Variants in SCIN observed in about 807,000 individuals in gnomAD.
SCIN encodes the protein adseverin.
A neutral mutation model predicts 91.8 loss-of-function variants in SCIN; 91 were observed. The observed-to-expected ratio is 0.99, with a 90% CI of 0.84 to 1.18. The LOEUF is 1.18. Ranked by LOEUF, SCIN falls within the 50% of genes most tolerant of loss-of-function variation. The pLI, the probability that SCIN is intolerant of heterozygous loss-of-function variation, is 0.00. For missense variants in SCIN, 1,087 were observed against 863.9 expected (o/e 1.26, Z -3.24); for synonymous variants, 367 against 312.6 (o/e 1.17, Z -1.84).
chr7:12,588,806 GGTGGGGGGGGGGGGGT>G (rs1782646755), intron 3 of SCIN: 1 of 38,910 alleles, frequency 2.6e-5, no homozygotes, highest in Non-Finnish European at 6.2e-5. Flanking sequence ...AGCTGCATTG[GGTGGGGGGGGGGGGGT>G]GCGGGGGCGG....
intron 1 of SCIN, among the ~76,000 whole-genome samples, chr7:12,576,058 G>C (rs550704131): frequency 2.0e-5 from 3 of 152,248 alleles, no homozygotes; most frequent in African/African-American, 7.2e-5. Flanking sequence ...TACCTAAAGA[G>C]ATTCAGGTTT....
At chr7:12,605,010 A>G (rs12537710) in intron 4 of SCIN, among the ~76,000 whole-genome samples, 50 of 151,264 alleles carry the variant, frequency 3.3e-4, no homozygotes, top group Non-Finnish European at 6.6e-4. Context: ...TAGTTCTTTC[A>G]TCTATTCATC....
intron 14 of SCIN, among the ~76,000 whole-genome samples, chr7:12,650,183 A>G (rs1562637995): frequency 6.6e-6 from 1 of 152,192 alleles, no homozygotes; most frequent in South Asian, 2.1e-4. Context: ...TCAAGCACAG[A>G]GATTGTTCCT....
chr7:12,653,283 C>T lies in SCIN; in HGVS notation c.*568C>T, dbSNP rs771952415. The T allele has an allele frequency of 1.3e-5, 2 of 151,996 alleles. No individual in the cohort carries two copies. The highest frequency in any genetic ancestry group is 6.6e-5 in the Admixed American group (1 of 15,248). The allele number at this position is 151,996 out of a possible 1,614,324, so 9.4% of individuals were successfully genotyped here. On this transcript the variant is annotated 3_prime_UTR_variant, in exon 16 of 16. Coordinates refer to ENST00000297029, the MANE Select transcript of SCIN (RefSeq NM_001112706.3). The surrounding 1 kb of genome is among the most constrained non-coding windows in gnomAD (Gnocchi z 4.1). ...AACTGATTTATATCTTTTTTATGAC[C>T]TTTCAAAAGTAAAATACTATGCATA...
At chr7:12,599,748 G>T (rs974907020) in intron 3 of SCIN, among the ~76,000 whole-genome samples, 11 of 151,780 alleles carry the variant, frequency 7.2e-5, no homozygotes, top group Admixed American at 2.0e-4. Context: ...TTGTGATTTT[G>T]ATTTGCATTT....
At chr7:12,597,951 T>A (rs993941874) in intron 3 of SCIN, among the ~76,000 whole-genome samples, 10 of 152,196 alleles carry the variant, frequency 6.6e-5, no homozygotes, top group African/African-American at 2.4e-4. Context: ...AATGGATAAT[T>A]TCATATTTAC....
intron 2 of SCIN, 35 bp downstream of exon 2, chr7:12,578,253 T>C: frequency 6.6e-7 from 1 of 1,521,484 alleles, no homozygotes; most frequent in Non-Finnish European, 8.8e-7. Flanking sequence ...TATGAATCCC[T>C]TTCTCCTCTT....
At chr7:12,590,068 T>G (rs980112577) in intron 3 of SCIN, among the ~76,000 whole-genome samples, 17 of 152,126 alleles carry the variant, frequency 1.1e-4, no homozygotes, top group African/African-American at 4.1e-4. Flanking sequence ...GCCAAGGGAC[T>G]GAGAAACCTG....
At position 12,649,531 on chromosome 7, in the gene SCIN, A is replaced by G. The variant is rs769421590; in HGVS notation, c.1946A>G (p.Asp649Gly). ...GCTGAAGATGATGTCATGTTACTAG[A>G]TGCTTGGGAACAGGTAAAACTACAT... Reference protein sequence around the residue: ...DLAEDDVMLLDAWEQIFIWIG... With the variant: ...DLAEDDVMLLGAWEQIFIWIG... The change falls in exon 14 of 16, where the codon GAT (aspartate) becomes GGT (glycine). Residue 649 changes from aspartate to glycine, a missense_variant. By Grantham distance (94) the Asp-to-Gly change is moderately conservative. Transcript: ENST00000297029. 4 of 1,598,134 alleles carry G rather than the reference A, an allele frequency of 2.5e-6. No homozygotes were observed. In the African/African-American group the frequency reaches 5.4e-5, roughly 21 times the overall value.
intron 8 of SCIN, 99 bp from the exon 9 acceptor site, chr7:12,629,002 T>A: frequency 2.0e-6 from 2 of 1,023,092 alleles, no homozygotes; most frequent in South Asian, 3.8e-5. Context: ...TTAAAAGTTG[T>A]TTAATAATGG....
intron 4 of SCIN, among the ~76,000 whole-genome samples, chr7:12,605,743 T>A (rs144486277): frequency 6.6e-6 from 1 of 152,326 alleles, no homozygotes; most frequent in African/African-American, 2.4e-5. Context: ...CAACTTGTAT[T>A]TCGTTAAAGG....
chr7:12,605,616 A>G (rs1050765766), intron 4 of SCIN, among the ~76,000 whole-genome samples: 2 of 152,180 alleles, frequency 1.3e-5, no homozygotes, highest in African/African-American at 4.8e-5. Flanking sequence ...TTTGCGCATG[A>G]AACAAAATGT....
Position 12,644,636 on chromosome 7 carries a change from A to G in SCIN, c.1812A>G (p.Leu604=), listed in dbSNP as rs761186553. The G allele has an allele frequency of 1.4e-5, 23 of 1,605,420 alleles. No homozygotes were observed. The Middle Eastern group carries it at 8.2e-4, about 57-fold the overall frequency. ...AAAAAGACTACCAGACCTCACCACT[A>G]CTGGAAACCCAGGCTGAAGACCATC... The part of the protein sequence containing the change: ...GGKKDYQTSP[L]LETQAEDHPP... Residue 604 remains leucine (L), a synonymous_variant, in exon 13 of 16, where the codon CTA becomes CTG. Transcript: ENST00000297029.
intron 11 of SCIN, among the ~76,000 whole-genome samples, chr7:12,643,507 C>CT (rs2115296885): frequency 6.6e-6 from 1 of 152,286 alleles, no homozygotes; most frequent in African/African-American, 2.4e-5. Context: ...TGGGAGAGGA[C>CT]TTTAACTATT....
intron 6 of SCIN, 96 bp downstream of exon 6, chr7:12,625,238 C>A: frequency 8.6e-7 from 1 of 1,167,350 alleles, no homozygotes; most frequent in South Asian, 2.0e-5. Flanking sequence ...AAAAAAAGCC[C>A]ACCTTTTAAT....
intron 3 of SCIN, among the ~76,000 whole-genome samples, chr7:12,586,487 T>C (rs1166339917): frequency 3.3e-5 from 5 of 152,112 alleles, no homozygotes; most frequent in Non-Finnish European, 7.3e-5. Context: ...TGTGGTAATG[T>C]AAATTACTAC....
chr7:12,581,261 G>T (rs1782483006), intron 3 of SCIN, 40 bp downstream of exon 3: 2 of 1,534,786 alleles, frequency 1.3e-6, no homozygotes, highest in African/African-American at 1.4e-5. Context: ...AAAGAAAAGT[G>T]AATTGCTTTC....
At chr7:12,594,444 AC>A (rs1447181758) in intron 3 of SCIN, among the ~76,000 whole-genome samples, 2 of 152,128 alleles carry the variant, frequency 1.3e-5, no homozygotes, top group Admixed American at 6.5e-5. Flanking sequence ...GGAATCTCAG[AC>A]CATTTCTCAT....
chr7:12,627,603 A>G (rs1481105175), intron 8 of SCIN, among the ~76,000 whole-genome samples: 2 of 152,116 alleles, frequency 1.3e-5, no homozygotes, highest in Non-Finnish European at 2.9e-5. Context: ...TAGGGAAATA[A>G]TTTTTCCTCT....
Sources: allele counts gnomAD v4.1 joint callset (sites outside exome capture counted in the v4.1 genomes callset), GRCh38; gene constraint gnomAD v4.1.1; non-coding constraint Gnocchi (gnomAD v3.1); transcripts MANE v1.5; gene names NCBI Gene and HGNC (gene_info 2026-07-23, HGNC 2026-07-21).